Variants in KIAA0513 observed in about 807,000 individuals in gnomAD.
KIAA0513 encodes the protein KIAA0513.
A neutral mutation model predicts 56.5 loss-of-function variants in KIAA0513; 39 were observed. The ratio of observed to expected loss-of-function variants is 0.69; its 90% CI spans 0.53 to 0.90. The LOEUF is 0.90. Ranked by LOEUF, KIAA0513 falls within the 40% of genes least tolerant of loss-of-function variation. KIAA0513 has a pLI of 0.00. For synonymous variants in KIAA0513, 268 were observed against 215.6 expected (o/e 1.24, Z -2.13); for missense variants, 591 against 535.2 (o/e 1.10, Z -1.03).
intron 1 of KIAA0513, among the ~76,000 whole-genome samples, chr16:85,047,228 T>C (rs780907239): frequency 1.3e-5 from 2 of 152,152 alleles, no homozygotes; most frequent in African/African-American, 4.8e-5. Flanking sequence ...GCCCCGGGCA[T>C]GCTCCGTCCT....
At chr16:85,057,566 C>T (rs910857363) in intron 1 of KIAA0513, among the ~76,000 whole-genome samples, 3 of 152,160 alleles carry the variant, frequency 2.0e-5, no homozygotes, top group Non-Finnish European at 2.9e-5. Flanking sequence ...CTCTTATGGG[C>T]CTGACCCTGT....
intron 1 of KIAA0513, among the ~76,000 whole-genome samples, chr16:85,038,243 C>T (rs778544409): frequency 1.3e-5 from 2 of 152,210 alleles, no homozygotes; most frequent in Admixed American, 6.5e-5. Flanking sequence ...CTGGGCCCCA[C>T]GGCCTCTGGA....
At chr16:85,071,910 G>C (rs375009767) in intron 3 of KIAA0513, 28 bp downstream of exon 3, 1 of 1,408,980 alleles carries the variant, frequency 7.1e-7, no homozygotes. Context: ...GGAAGGATGG[G>C]CGTTTACTCT....
chr16:85,083,324 C>T (rs979360948), intron 10 of KIAA0513, among the ~76,000 whole-genome samples: 4 of 152,162 alleles, frequency 2.6e-5, no homozygotes, highest in Admixed American at 1.3e-4. Flanking sequence ...GTCCCTGAGA[C>T]GATGGCTCTT....
chr16:85,087,263 T>TCGTGTTGCAGTCGGAAA (rs2073820492), intron 12 of KIAA0513, 97 bp downstream of exon 12: 1 of 980,004 alleles, frequency 1.0e-6, no homozygotes, highest in Non-Finnish European at 1.6e-6. Context: ...AGAAGGCATG[T>TCGTGTTGCAGTCGGAAA]CGTGTTGCAG....
At chr16:85,068,603 A>G (rs889928187) in intron 2 of KIAA0513, among the ~76,000 whole-genome samples, 4 of 152,052 alleles carry the variant, frequency 2.6e-5, no homozygotes, top group African/African-American at 9.7e-5. Flanking sequence ...AAGTGCTGAG[A>G]TTACAGGTGT....
At position 85,093,199 on chromosome 16, in the gene KIAA0513, G is replaced by C. The variant is rs115321175; in HGVS notation, c.*4874G>C. The C allele has an allele frequency of 6.6e-6, 1 of 151,536 alleles. No homozygotes were observed. 9.4% of individuals were successfully genotyped at this position (151,536 alleles called of 1,614,324 possible). ...TGGGAGCGCGGCGCTGCCTGTAGCT[G>C]TGCCTGGGGATGCACGTGGCCACGG... On this transcript the variant is annotated 3_prime_UTR_variant, in exon 13 of 13. Coordinates refer to ENST00000683363, the MANE Select transcript of KIAA0513 (RefSeq NM_001388359.1).
intron 12 of KIAA0513, among the ~76,000 whole-genome samples, chr16:85,087,687 C>T (rs989377136): frequency 1.2e-4 from 18 of 152,208 alleles, no homozygotes; most frequent in African/African-American, 1.4e-4. Context: ...TGTGTGCCCC[C>T]GCCATCTGCC....
Position 85,072,975 on chromosome 16 carries a change from G to A in KIAA0513, c.480G>A (p.Gln160=), listed in dbSNP as rs770658657. 6.2e-7 allele frequency: 1 copy of A among 1,614,180 alleles called. No individual in the cohort carries two copies. The highest frequency in any genetic ancestry group is 8.5e-7 in the Non-Finnish European group (1 of 1,180,008). The change falls in exon 4 of 13, where the codon CAG becomes CAA. Residue 160 remains glutamine, a synonymous_variant. Transcript: ENST00000683363. ...AGGCAACCTTCTACCGCCTGGTGCA[G>A]TCTTTTGCAGTGGTGCTGTTCGAGT... The part of the protein sequence containing the change: ...VSEATFYRLV[Q]SFAVVLFECH...
chr16:85,064,651 A>G (rs963736848), intron 1 of KIAA0513, among the ~76,000 whole-genome samples: 6 of 152,192 alleles, frequency 3.9e-5, no homozygotes, highest in Non-Finnish European at 7.3e-5. Flanking sequence ...GGTTATTAGT[A>G]TGGGTTGAAG....
At chr16:85,061,464 C>T (rs2073403917) in intron 1 of KIAA0513, among the ~76,000 whole-genome samples, 1 of 152,162 alleles carries the variant, frequency 6.6e-6, no homozygotes, top group South Asian at 2.1e-4. Flanking sequence ...GGGAGACAAT[C>T]CAGGTGCACA....
intron 7 of KIAA0513, 55 bp downstream of exon 7, chr16:85,078,510 C>T: frequency 6.4e-7 from 1 of 1,562,946 alleles, no homozygotes; most frequent in Non-Finnish European, 8.8e-7. Context: ...CCTCAGCCAG[C>T]ACACAAGCAG....
At position 85,090,623 on chromosome 16, in the gene KIAA0513, GT is replaced by G. The variant is rs1033873761; in HGVS notation, c.*2301del. The G allele has an allele frequency of 3.3e-5, 5 of 152,316 alleles. No individual in the cohort carries two copies. Among genetic ancestry groups the G allele is most frequent in the African/African-American group, 9.6e-5 (4 of 41,452 alleles). 9.4% of individuals were successfully genotyped at this position (152,316 alleles called of 1,614,324 possible). A position where few individuals can be genotyped will look rare whatever the true frequency, so the allele number is the denominator to read the frequency against. On this transcript the variant is annotated 3_prime_UTR_variant, in exon 13 of 13. Transcript: ENST00000683363. Reference sequence around the variant, plus strand: ...GGGTTGGGGTTTTCTTTGTTTGTTTGTTTGTTTCCCCCTTTACTACCTGTTC... The same window carrying G: ...GGGTTGGGGTTTTCTTTGTTTGTTTGTTGTTTCCCCCTTTACTACCTGTTC...
intron 1 of KIAA0513, among the ~76,000 whole-genome samples, chr16:85,047,534 G>A (rs1272028705): frequency 6.6e-6 from 1 of 152,166 alleles, no homozygotes; most frequent in Non-Finnish European, 1.5e-5. Flanking sequence ...ACCCTCTTTG[G>A]ACCACCGTTC....
chr16:85,033,413 A>G (rs1313911246), intron 1 of KIAA0513, among the ~76,000 whole-genome samples: 2 of 152,218 alleles, frequency 1.3e-5, no homozygotes, highest in African/African-American at 4.8e-5. Context: ...GTTTTGCTGC[A>G]CTGGTCCTTG....
chr16:85,058,121 G>T (rs899588166), intron 1 of KIAA0513, among the ~76,000 whole-genome samples: 1 of 152,140 alleles, frequency 6.6e-6, no homozygotes, highest in South Asian at 2.1e-4. Flanking sequence ...TCAGAACCTC[G>T]GCACTTCAGG....
intron 5 of KIAA0513, among the ~76,000 whole-genome samples, chr16:85,077,188 C>G (rs978987542): frequency 2.6e-5 from 4 of 152,178 alleles, no homozygotes; most frequent in Admixed American, 6.5e-5. Flanking sequence ...TGCTCCCTCC[C>G]TGCTCCTAGT....
In KIAA0513 at chr16:85,067,003, A is replaced by T. The variant is rs766791202; in HGVS notation, c.-69A>T. 4.6e-4 allele frequency: 639 copies of T among 1,391,786 alleles called. No homozygotes were observed. Among genetic ancestry groups the T allele is most frequent in the Non-Finnish European group, 5.7e-4 (589 of 1,036,964 alleles). 86.2% of individuals were successfully genotyped at this position (1,391,786 alleles called of 1,614,324 possible). On this transcript the variant is annotated 5_prime_UTR_variant, in exon 2 of 13. Transcript: ENST00000683363. ...GGGCTCCTACTAACGCACCTGGGACACCAGGCTGCTGGGCTCCCCTCTAGG... is the reference window on the plus strand; with the variant it reads ...GGGCTCCTACTAACGCACCTGGGACTCCAGGCTGCTGGGCTCCCCTCTAGG...
chr16:85,051,551 T>C (rs550088013), intron 1 of KIAA0513, among the ~76,000 whole-genome samples: 4 of 152,242 alleles, frequency 2.6e-5, no homozygotes, highest in Admixed American at 2.6e-4. Flanking sequence ...TGGTGGTGGC[T>C]CCGCCTTGCT....
Sources: gnomAD v4.1 joint callset for allele counts (sites outside exome capture counted in the v4.1 genomes callset) on GRCh38, gnomAD v4.1.1 for gene constraint, MANE v1.5 for transcripts, NCBI Gene and HGNC (gene_info 2026-07-23, HGNC 2026-07-21) for gene names.